Variants in ZNF514 observed in about 807,000 individuals in gnomAD.
The protein encoded by ZNF514 is zinc finger protein 514.
In ZNF514, 12 loss-of-function variants were observed where a neutral mutation model predicts 9.7. That is an observed-to-expected ratio of 1.24 (90% CI 0.79 to 2.01). The LOEUF (loss-of-function observed/expected upper bound fraction) is 2.01, where lower values mean the gene tolerates loss of function less well. Among genes scored for constraint, ZNF514 ranks in the 30% most tolerant of loss-of-function variants. The pLI is 0.00. For synonymous variants in ZNF514, 158 were observed against 163.7 expected (o/e 0.97, Z 0.27); for missense variants, 467 against 465.5 (o/e 1.00, Z -0.03).
At chr2:95,129,978 A>G in the ZNF514 span, among the ~76,000 whole-genome samples, 3 of 152,134 alleles carry the variant, frequency 2.0e-5, no homozygotes, top group East Asian at 1.9e-4. Context: ...TCTCTTATTT[A>G]TTTATTTATA....
the ZNF514 span, among the ~76,000 whole-genome samples, chr2:95,127,651 C>T: frequency 2.0e-5 from 3 of 152,094 alleles, no homozygotes; most frequent in Admixed American, 1.3e-4. Flanking sequence ...GAGATTTGCT[C>T]TTATTGCCCA....
the ZNF514 span, among the ~76,000 whole-genome samples, chr2:95,137,522 T>C: frequency 2.0e-5 from 3 of 152,206 alleles, no homozygotes; most frequent in East Asian, 3.8e-4. Flanking sequence ...TCTGTCAACA[T>C]AGTCCTGGAA....
At position 95,157,413 on chromosome 2, in the gene ZNF514, G is replaced by A. The variant is rs1573383070; in HGVS notation, c.-69C>T. 7.8e-7 allele frequency: 1 copy of A among 1,289,662 alleles called. No homozygotes were observed. Among genetic ancestry groups the A allele is most frequent in the Non-Finnish European group, 1.0e-6 (1 of 988,748 alleles). 79.9% of individuals were successfully genotyped at this position (1,289,662 alleles called of 1,614,324 possible). ...TCTTCTCCTGGGAATCTCTCTGGAG[G>A]AAGAGCAGGATTCTGAGAAGGGGAA... On this transcript the variant is annotated 5_prime_UTR_variant, in exon 2 of 5. Transcript: ENST00000295208.
In ZNF514 at chr2:95,145,039, A is replaced by C. The variant is rs1673324504; in HGVS notation, c.*4243T>G. ...AGAAATATTTAATTGGTAGTCTTCT[A>C]GAAAGAAGGCTTTTCATATAGTACA... On this transcript the variant is annotated 3_prime_UTR_variant, in exon 5 of 5. Coordinates refer to ENST00000295208, the MANE Select transcript of ZNF514 (RefSeq NM_032788.3). Among the ~76,000 whole-genome samples, 1 of 152,266 alleles carries C rather than the reference A, an allele frequency of 6.6e-6. No homozygotes were observed. The highest frequency in any genetic ancestry group is 1.5e-5 in the Non-Finnish European group (1 of 68,052).
At chr2:95,131,512 C>T in the ZNF514 span, among the ~76,000 whole-genome samples, 1 of 152,224 alleles carries the variant, frequency 6.6e-6, no homozygotes, top group African/African-American at 2.4e-5. Context: ...GGGTATCCTC[C>T]TCTCAGTACA....
At chr2:95,153,384 G>A (rs1673597913) in intron 2 of ZNF514, 125 bp from the exon 3 acceptor site, 4 of 900,886 alleles carry the variant, frequency 4.4e-6, no homozygotes, top group African/African-American at 1.7e-5. Flanking sequence ...GGAGGTAAAT[G>A]TAATACATTT....
At chr2:95,130,333 G>A in the ZNF514 span, among the ~76,000 whole-genome samples, 4 of 152,326 alleles carry the variant, frequency 2.6e-5, no homozygotes, top group African/African-American at 7.2e-5. Flanking sequence ...CCACAGGACC[G>A]AGGTGAAATT....
At position 95,149,700 on chromosome 2, in the gene ZNF514, C is replaced by T; in HGVS notation, c.785G>A (p.Cys262Tyr). 1 of 1,614,216 alleles carries T rather than the reference C, an allele frequency of 6.2e-7. No homozygotes were observed. Among genetic ancestry groups the T allele is most frequent in the Non-Finnish European group, 8.5e-7 (1 of 1,180,032 alleles). The change falls in exon 5 of 5, where the codon TGC becomes TAC. Residue 262 changes from cysteine to tyrosine, a missense_variant. Physicochemically the swap from Cys to Tyr is radical, Grantham distance 194 (BLOSUM62 -2). Coordinates refer to ENST00000295208, the MANE Select transcript of ZNF514 (RefSeq NM_032788.3). The stretch of plus-strand genomic sequence containing the variant: ...GCTGAAGGCTCTCCCACATTCACTG[C>T]ATTCATAGGGCTTTTCTCCAGTATG... ...RTHTGEKPYECSECGRAFSQS... is the reference protein window; with the variant it reads ...RTHTGEKPYEYSECGRAFSQS...
chr2:95,151,319 G>A (rs1378947451), intron 4 of ZNF514, among the ~76,000 whole-genome samples: 1 of 152,208 alleles, frequency 6.6e-6, no homozygotes, highest in Non-Finnish European at 1.5e-5. Flanking sequence ...GAAGATGGAC[G>A]AGGGGCACTT....
chr2:95,157,478 G>T, intron 1 of ZNF514, 39 bp from the exon 2 acceptor site: 1 of 1,198,400 alleles, frequency 8.3e-7, no homozygotes, highest in Non-Finnish European at 1.1e-6. Flanking sequence ...AGCTGACCCA[G>T]CCAGCACACA....
chr2:95,134,973 A>G, the ZNF514 span, among the ~76,000 whole-genome samples: 3 of 152,222 alleles, frequency 2.0e-5, no homozygotes, highest in Non-Finnish European at 4.4e-5. Context: ...TACCAGTTCC[A>G]TACTATCTTG....
the ZNF514 span, among the ~76,000 whole-genome samples, chr2:95,128,271 TC>T: frequency 6.6e-6 from 1 of 151,476 alleles, no homozygotes; most frequent in East Asian, 2.0e-4. Context: ...GTGCCTGTAA[TC>T]CCAGCTACTC....
chr2:95,132,158 A>AC, the ZNF514 span, among the ~76,000 whole-genome samples: 1 of 151,054 alleles, frequency 6.6e-6, no homozygotes, highest in African/African-American at 2.4e-5. Flanking sequence ...AAAAAAAAAA[A>AC]AAAAAAAAAA....
At position 95,150,004 on chromosome 2, in the gene ZNF514, C is replaced by T; in HGVS notation, c.481G>A (p.Gly161Ser). 1 of 1,614,142 alleles carries T rather than the reference C, an allele frequency of 6.2e-7. No homozygotes were observed. The highest frequency in any genetic ancestry group is 1.1e-5 in the South Asian group (1 of 91,074). The change falls in exon 5 of 5, where the codon GGT (glycine) becomes AGT (serine). Residue 161 changes from glycine (G) to serine (S), a missense_variant. Physicochemically the swap from Gly to Ser is moderately conservative, Grantham distance 56. Transcript: ENST00000295208. ...YKWNGFGRSLGLRSVLVNQHS... is the reference protein window; with the variant it reads ...YKWNGFGRSLSLRSVLVNQHS... ...TGGTTAACAAGGACTGATCTTAAAC[C>T]TAAGCTTCTCCCAAATCCATTCCAT... is the stretch of plus-strand genomic sequence containing the variant.
chr2:95,152,711 G>T lies in ZNF514; in HGVS notation c.180C>A (p.Phe60Leu), dbSNP rs1458840542. 1.9e-6 allele frequency: 3 copies of T among 1,614,134 alleles called. No homozygotes were observed. Among genetic ancestry groups the T allele is most frequent in the Non-Finnish European group, 1.7e-6 (2 of 1,180,014 alleles). ...CTGTTGAGATTTCTCTCTCCACCAT[G>T]AAGGGCTCACCCCCTTCCTCCAACT... ...ICQLEEGGEPFMVEREISTGA... is the reference protein window; with the variant it reads ...ICQLEEGGEPLMVEREISTGA... The change falls in exon 4 of 5, where the codon TTC becomes TTA. Residue 60 changes from phenylalanine to leucine, a missense_variant. Phe to Leu is a conservative substitution (Grantham distance 22, BLOSUM62 0). Coordinates refer to ENST00000295208, the MANE Select transcript of ZNF514 (RefSeq NM_032788.3).
At position 95,145,321 on chromosome 2, in the gene ZNF514, T is replaced by C. The variant is rs1128973; in HGVS notation, c.*3961A>G. Among the ~76,000 whole-genome samples, 2 of 152,116 alleles carry C rather than the reference T, an allele frequency of 1.3e-5. No homozygotes were observed. The highest frequency in any genetic ancestry group is 2.9e-5 in the Non-Finnish European group (2 of 68,034). On this transcript the variant is annotated 3_prime_UTR_variant, in exon 5 of 5. Transcript: ENST00000295208. ...GAATTCAGGCACAGTGGACCAGCATTAACATTAAAACAGAGACCTTAAGAC... is the reference window on the plus strand; with the variant it reads ...GAATTCAGGCACAGTGGACCAGCATCAACATTAAAACAGAGACCTTAAGAC...
the ZNF514 span, among the ~76,000 whole-genome samples, chr2:95,128,754 G>GAGA: frequency 1.9e-4 from 29 of 150,954 alleles, 1 homozygote; most frequent in South Asian, 5.9e-3. Flanking sequence ...GAAGAAGGAG[G>GAGA]AGAAGAAGAG....
At chr2:95,123,289 G>A in the ZNF514 span, among the ~76,000 whole-genome samples, 14 of 152,278 alleles carry the variant, frequency 9.2e-5, no homozygotes, top group Non-Finnish European at 1.3e-4. Flanking sequence ...CCACATACCT[G>A]TTTCCTAGAC....
chr2:95,142,891 C>A (rs1040814534), downstream of ZNF514, among the ~76,000 whole-genome samples: 1 of 152,252 alleles, frequency 6.6e-6, no homozygotes, highest in African/African-American at 2.4e-5. Context: ...TCTCAACTTA[C>A]TGGCACAAGT....
Sources: gnomAD v4.1 joint callset for allele counts (sites outside exome capture counted in the v4.1 genomes callset) on GRCh38, gnomAD v4.1.1 for gene constraint, MANE v1.5 for transcripts, NCBI Gene and HGNC (gene_info 2026-07-23, HGNC 2026-07-21) for gene names.